The following DNAH10 variants were observed in gnomAD, a reference collection of about 807,000 sequenced individuals.
DNAH10 encodes the protein dynein axonemal heavy chain 10.
A neutral mutation model predicts 506.6 loss-of-function variants in DNAH10; 348 were observed. That is an observed-to-expected ratio of 0.69 (90% CI 0.63 to 0.75). The LOEUF (loss-of-function observed/expected upper bound fraction) is 0.75, where lower values mean the gene tolerates loss of function less well. Ranked by LOEUF, DNAH10 falls within the 30% of genes least tolerant of loss-of-function variation. The probability of loss-of-function intolerance (pLI) is 0.00; values close to 1 mark genes in which losing one functional copy is unlikely to be tolerated. For missense variants in DNAH10, 5,179 were observed against 5,787.1 expected (o/e 0.89, Z 3.41); for synonymous variants, 2,059 against 2,198.6 (o/e 0.94, Z 1.78).
chr12:123,935,408 C>T lies in DNAH10; in HGVS notation c.13697C>T (p.Ala4566Val), dbSNP rs376425800. 4.3e-6 allele frequency: 7 copies of T among 1,611,820 alleles called. No individual in the cohort carries two copies. Among genetic ancestry groups the T allele is most frequent in the African/African-American group, 1.3e-5 (1 of 74,922 alleles). ...ATGGGAGTCGGCTTGGTTTTTGAAG[C>T]TGATCTCTTTACCACGAGGCACATT... ...NAMGVGLVFE[A>V]DLFTTRHISH... is the part of the protein sequence containing the mutation. The change falls in exon 79 of 79, where the codon GCT becomes GTT. Residue 4566 changes from alanine to valine, a missense_variant. Ala to Val is a moderately conservative substitution (Grantham distance 64). Around this residue, in one of 3 missense-constraint regions of DNAH10, gnomAD observed 4,844 missense variants for 5,430.5 expected, o/e 0.89. Transcript: ENST00000673944.
intron 43 of DNAH10, 127 bp downstream of exon 43, chr12:123,868,246 A>G (rs1393761379): frequency 1.2e-6 from 1 of 856,428 alleles, no homozygotes; most frequent in South Asian, 1.8e-5. Context: ...CTTTAGAGAA[A>G]CATGCAATGG....
In DNAH10 at chr12:123,930,719, C is replaced by A. The variant is rs191740391; in HGVS notation, c.12784+146C>A. On this transcript the variant is annotated intron_variant, in intron 73 of 78. Transcript: ENST00000673944. ...TGTTAGGTGGCTCGGCAGACGCTTC[C>A]TGGCTGCAGAGCTGACTGATAGAGT... 15 of 759,076 alleles carry A rather than the reference C, an allele frequency of 2.0e-5. No homozygotes were observed. The African/African-American group carries it at 2.7e-4, about 14-fold the overall frequency. The allele number at this position is 759,076 out of a possible 1,614,324, so 47.0% of individuals were successfully genotyped here.
rs755655034 is a variant in DNAH10, at chr12:123,833,102, A to G, written c.4546-12A>G. On this transcript the variant is annotated splice_polypyrimidine_tract_variant and intron_variant, in intron 26 of 78. Coordinates refer to ENST00000673944, the MANE Select transcript of DNAH10 (RefSeq NM_001372106.1). ...CGTGTGCCTGAATCATTCTTTTTCTATTCCTGAACAGGCTGTGAAGGAAAT... is the reference window on the plus strand; with the variant it reads ...CGTGTGCCTGAATCATTCTTTTTCTGTTCCTGAACAGGCTGTGAAGGAAAT... The G allele has an allele frequency of 3.8e-6, 6 of 1,588,770 alleles. No homozygotes were observed. In the Admixed American group the frequency reaches 8.8e-5, roughly 23 times the overall value.
intron 51 of DNAH10, among the ~76,000 whole-genome samples, chr12:123,885,533 A>G (rs1952692315): frequency 6.6e-6 from 1 of 152,110 alleles, no homozygotes; most frequent in South Asian, 2.1e-4. Context: ...TAAAGGGTAT[A>G]TGCTCTTTTA....
chr12:123,897,738 A>C (rs778991674), intron 54 of DNAH10, 32 bp from the exon 55 acceptor site: 50 of 1,588,582 alleles, frequency 3.1e-5, no homozygotes, highest in Admixed American at 7.7e-5. Context: ...AAAGAAAAAG[A>C]AAGAAAACAT....
At chr12:123,892,828 G>C (rs2137179743) in intron 52 of DNAH10, among the ~76,000 whole-genome samples, 1 of 152,300 alleles carries the variant, frequency 6.6e-6, no homozygotes, top group African/African-American at 2.4e-5. Flanking sequence ...CAGCATCCCT[G>C]GCCTTGACCT....
chr12:123,848,632 TC>T, intron 33 of DNAH10, 97 bp from the exon 34 acceptor site: 1 of 1,481,610 alleles, frequency 6.7e-7, no homozygotes, highest in South Asian at 1.3e-5. Flanking sequence ...ATCAGTGATC[TC>T]ATTGTTTGCT....
intron 13 of DNAH10, among the ~76,000 whole-genome samples, chr12:123,797,545 A>G (rs1958327181): frequency 6.6e-6 from 1 of 152,062 alleles, no homozygotes; most frequent in Admixed American, 6.6e-5. Flanking sequence ...GGTGTGGGCC[A>G]CCACGCCTGG....
intron 29 of DNAH10, among the ~76,000 whole-genome samples, chr12:123,839,229 A>AC (rs1232341408): frequency 2.3e-5 from 3 of 131,734 alleles, no homozygotes; most frequent in Admixed American, 7.0e-5. Context: ...AAAAAAAAAA[A>AC]AACAAAAAAA....
In DNAH10 at chr12:123,809,518, T is replaced by C. The variant is rs191774894; in HGVS notation, c.3144+565T>C. On this transcript the variant is annotated intron_variant, in intron 19 of 78. Transcript: ENST00000673944. Reference sequence around the variant, plus strand: ...AAAATTAATTAGCTAGGCGTGGTGGTGCACACCTGTGTTCCTAGCTACTTG... The same window carrying C: ...AAAATTAATTAGCTAGGCGTGGTGGCGCACACCTGTGTTCCTAGCTACTTG... 2.8e-3 allele frequency among the ~76,000 whole-genome samples: 429 copies of C among 152,104 alleles called. 2 individuals are homozygous for C. The highest frequency in any genetic ancestry group is 0.01 in the African/African-American group (418 of 41,480).
intron 10 of DNAH10, among the ~76,000 whole-genome samples, chr12:123,789,358 G>C (rs551744644): frequency 1.3e-5 from 2 of 151,934 alleles, no homozygotes; most frequent in South Asian, 4.2e-4. Context: ...TACCTCAGTG[G>C]TTTATCATCT....
Position 123,894,510 on chromosome 12 carries a change from G to A in DNAH10, c.9200-133G>A, listed in dbSNP as rs528557297. On this transcript the variant is annotated intron_variant, in intron 53 of 78. Coordinates refer to ENST00000673944, the MANE Select transcript of DNAH10 (RefSeq NM_001372106.1). ...TGACCTCAAATGATCCACCCGCCTTGGCCTCCCAAAGTGCTGGGATTACAG... is the reference window on the plus strand; with the variant it reads ...TGACCTCAAATGATCCACCCGCCTTAGCCTCCCAAAGTGCTGGGATTACAG... 1.8e-4 allele frequency: 125 copies of A among 698,878 alleles called. No individual in the cohort carries two copies. The Middle Eastern group carries it at 1.9e-3, about 11-fold the overall frequency. 43.3% of individuals were successfully genotyped at this position (698,878 alleles called of 1,614,324 possible). A position where few individuals can be genotyped will look rare whatever the true frequency, so the allele number is the denominator to read the frequency against.
At chr12:123,815,690 T>C (rs1959120399) in intron 21 of DNAH10, among the ~76,000 whole-genome samples, 1 of 152,204 alleles carries the variant, frequency 6.6e-6, no homozygotes, top group Non-Finnish European at 1.5e-5. Context: ...TACAGTTGTG[T>C]ATATTTAACA....
At chr12:123,877,284 C>G (rs544706870) in intron 47 of DNAH10, among the ~76,000 whole-genome samples, 152 of 152,198 alleles carry the variant, frequency 1.0e-3, no homozygotes, top group African/African-American at 3.5e-3. Flanking sequence ...CGTGCTGGAG[C>G]TTGTGTCTGT....
chr12:123,896,515 G>A (rs1184841962), intron 54 of DNAH10, among the ~76,000 whole-genome samples: 2 of 152,150 alleles, frequency 1.3e-5, no homozygotes, highest in African/African-American at 4.8e-5. Context: ...TTGCCGATAT[G>A]TGCTGGGTGT....
intron 18 of DNAH10, among the ~76,000 whole-genome samples, chr12:123,808,286 C>T (rs1365702208): frequency 1.3e-5 from 2 of 152,176 alleles, no homozygotes; most frequent in Non-Finnish European, 2.9e-5. Context: ...CCACCTCAGC[C>T]TCCCAAAGTA....
In DNAH10 at chr12:123,879,821, T is replaced by C. The variant is rs1048933105; in HGVS notation, c.8634+20T>C. Reference sequence around the variant, plus strand: ...TTCCAGGTGGGGATGAGCCCCACCCTGTCCATGGGCTCACTTTCTCCTGAG... The same window carrying C: ...TTCCAGGTGGGGATGAGCCCCACCCCGTCCATGGGCTCACTTTCTCCTGAG... On this transcript the variant is annotated intron_variant, in intron 50 of 78. Coordinates refer to ENST00000673944, the MANE Select transcript of DNAH10 (RefSeq NM_001372106.1). 3 of 1,606,812 alleles carry C rather than the reference T, an allele frequency of 1.9e-6. No homozygotes were observed. The highest frequency in any genetic ancestry group is 2.6e-6 in the Non-Finnish European group (3 of 1,175,328).
chr12:123,899,041 A>G (rs982653537), intron 56 of DNAH10, among the ~76,000 whole-genome samples: 5 of 152,188 alleles, frequency 3.3e-5, no homozygotes, highest in African/African-American at 1.2e-4. Flanking sequence ...AGCACTGAGA[A>G]GCTACCATAT....
intron 27 of DNAH10, among the ~76,000 whole-genome samples, chr12:123,833,941 C>G (rs184269525): frequency 6.6e-6 from 1 of 152,304 alleles, no homozygotes; most frequent in East Asian, 1.9e-4. Flanking sequence ...CTTATCCAGA[C>G]CTCTGTGAGC....
Sources: allele counts gnomAD v4.1 joint callset (sites outside exome capture counted in the v4.1 genomes callset), GRCh38; gene constraint gnomAD v4.1.1; regional missense constraint gnomAD v4.1.1; transcripts MANE v1.5; gene names NCBI Gene and HGNC (gene_info 2026-07-23, HGNC 2026-07-21).